ATP10B: variants seen among roughly 807,000 people sequenced by gnomAD.
ATP10B encodes ATPase phospholipid transporting 10B (putative), also known as phospholipid-transporting ATPase VB.
ATP10B carries 122 observed loss-of-function variants against 141.2 expected under a neutral mutation model. That is an observed-to-expected ratio of 0.86 (90% CI 0.75 to 1.00). The LOEUF (loss-of-function observed/expected upper bound fraction) is 1.00, where lower values mean the gene tolerates loss of function less well. ATP10B is among the 50% of genes least tolerant of loss of function. The pLI, the probability that ATP10B is intolerant of heterozygous loss-of-function variation, is 0.00. For missense variants in ATP10B, 1,876 were observed against 1,825.3 expected, an observed-to-expected ratio of 1.03 and a Z score of -0.51; for synonymous variants, 685 against 692.0, an observed-to-expected ratio of 0.99 and a Z score of 0.16.
intron 22 of ATP10B, among the ~76,000 whole-genome samples, chr5:160,591,490 CATT>C: frequency 6.6e-6 from 1 of 152,292 alleles, no homozygotes; most frequent in East Asian, 1.9e-4. Flanking sequence ...CTCAGTTATT[CATT>C]GTTATCAATC....
intron 7 of ATP10B, among the ~76,000 whole-genome samples, chr5:160,654,689 G>C (rs1191994113): frequency 2.0e-5 from 3 of 151,694 alleles, no homozygotes; most frequent in Non-Finnish European, 4.4e-5. Context: ...AGATTCCAAA[G>C]TCATTGTCGT....
intron 5 of ATP10B, 54 bp downstream of exon 5, chr5:160,687,746 C>G (rs1179829328): frequency 3.2e-6 from 5 of 1,557,890 alleles, no homozygotes; most frequent in Non-Finnish European, 4.4e-6. Context: ...GCCTGGGGAA[C>G]AGAATGAGAC....
In ATP10B at chr5:160,766,282, TTGCAAAAATAC is replaced by T. The variant is rs1561831860; in HGVS notation, c.-331+19266_-331+19276del. ...ATGTTTATAGCAGCACAATTTGCAA[TTGCAAAAATAC>T]GGAACCAGCCTAAATGTCCACCAAT... On this transcript the variant is annotated intron_variant, in intron 2 of 25. Transcript: ENST00000327245. 3.0e-4 allele frequency among the ~76,000 whole-genome samples: 5 copies of T among 16,940 alleles called. No homozygotes were observed. In the South Asian group the frequency reaches 3.9e-3, roughly 13 times the overall value. The allele number at this position is 16,940 out of a possible 152,430, so 11.1% of individuals were successfully genotyped here. A position where few individuals can be genotyped will look rare whatever the true frequency, so the allele number is the denominator to read the frequency against.
intron 1 of ATP10B, among the ~76,000 whole-genome samples, chr5:160,817,598 C>G (rs964689611): frequency 6.6e-5 from 10 of 152,118 alleles, no homozygotes; most frequent in African/African-American, 2.4e-4. Context: ...GATTTTATGC[C>G]ATCCCCATCA....
chr5:160,819,375 A>T, intron 1 of ATP10B, among the ~76,000 whole-genome samples: 1 of 152,172 alleles, frequency 6.6e-6, no homozygotes, highest in East Asian at 1.9e-4. Context: ...TCTCAGAGAA[A>T]CAAAAGCTGA....
intron 1 of ATP10B, among the ~76,000 whole-genome samples, chr5:160,821,822 A>T (rs1380407175): frequency 6.6e-6 from 1 of 152,126 alleles, no homozygotes; most frequent in Non-Finnish European, 1.5e-5. Flanking sequence ...AAAGAATGAA[A>T]CTAGACCCCC....
rs114638873 is a variant in ATP10B at position 160,823,510 on chromosome 5, C to G, written c.-576+28431G>C. On this transcript the variant is annotated intron_variant, in intron 1 of 25. Coordinates refer to ENST00000327245, the MANE Select transcript of ATP10B (RefSeq NM_025153.3). Reference sequence around the variant, plus strand: ...GGCACACATTTACCTATGTAACAAACTTGCACGTGCTTAAATTTTAAGTTA... The same window carrying G: ...GGCACACATTTACCTATGTAACAAAGTTGCACGTGCTTAAATTTTAAGTTA... Among the ~76,000 whole-genome samples, 929 of 152,288 alleles carry G rather than the reference C, an allele frequency of 6.1e-3. 2 individuals are homozygous for G. Among genetic ancestry groups the G allele is most frequent in the Non-Finnish European group, 0.011 (736 of 68,012 alleles).
intron 19 of ATP10B, 83 bp from the exon 20 acceptor site, chr5:160,604,124 C>T (rs1299647434): frequency 2.1e-6 from 2 of 967,410 alleles, no homozygotes; most frequent in East Asian, 2.4e-5. Flanking sequence ...TCCCCAGTTA[C>T]ATACAATTGA....
At chr5:160,766,052 A>T (rs992539317) in intron 2 of ATP10B, among the ~76,000 whole-genome samples, 8 of 152,280 alleles carry the variant, frequency 5.3e-5, no homozygotes, top group Admixed American at 1.3e-4. Context: ...AAATAAAAAA[A>T]ATAGATGTTG....
the ATP10B span, among the ~76,000 whole-genome samples, chr5:160,917,049 G>A: frequency 6.6e-6 from 1 of 152,104 alleles, no homozygotes; most frequent in Non-Finnish European, 1.5e-5. Flanking sequence ...GGGAATTAAA[G>A]TCTCAGCATT....
the ATP10B span, among the ~76,000 whole-genome samples, chr5:160,887,525 T>C: frequency 6.6e-6 from 1 of 152,028 alleles, no homozygotes; most frequent in Non-Finnish European, 1.5e-5. Context: ...TGACCAGAAC[T>C]CACAATTGGC....
Position 160,564,891 on chromosome 5 carries a change from G to A in ATP10B, c.*562C>T, listed in dbSNP as rs1308853341. The A allele has an allele frequency of 6.5e-6, 1 of 152,912 alleles. No homozygotes were observed. Among genetic ancestry groups the A allele is most frequent in the East Asian group, 1.9e-4 (1 of 5,214 alleles). The allele number at this position is 152,912 out of a possible 1,614,324, so 9.5% of individuals were successfully genotyped here. ...GGCTTTTAGTAGTAGCTTTTTAGAT[G>A]TGGCTTTTCTTTGGCTTACAGGCAA... On this transcript the variant is annotated 3_prime_UTR_variant, in exon 26 of 26. Coordinates refer to ENST00000327245, the MANE Select transcript of ATP10B (RefSeq NM_025153.3).
chr5:160,813,794 G>A (rs1773355629), intron 1 of ATP10B, among the ~76,000 whole-genome samples: 1 of 152,308 alleles, frequency 6.6e-6, no homozygotes, highest in Admixed American at 6.5e-5. Context: ...ACTTCTGGAG[G>A]AATGATCAGG....
At chr5:160,622,901 T>G (rs917324087) in intron 13 of ATP10B, among the ~76,000 whole-genome samples, 42 of 152,198 alleles carry the variant, frequency 2.8e-4, no homozygotes, top group African/African-American at 9.9e-4. Context: ...AAACTAATAC[T>G]GTTGCCTCTC....
intron 2 of ATP10B, among the ~76,000 whole-genome samples, chr5:160,717,239 T>A (rs1765716854): frequency 6.6e-6 from 1 of 152,028 alleles, no homozygotes; most frequent in African/African-American, 2.4e-5. Flanking sequence ...AGGAGAGGAA[T>A]TGGAGGAGAA....
At chr5:160,806,065 G>C (rs6886975) in intron 1 of ATP10B, among the ~76,000 whole-genome samples, 1 of 152,118 alleles carries the variant, frequency 6.6e-6, no homozygotes, top group Non-Finnish European at 1.5e-5. Flanking sequence ...CTCCACTTTT[G>C]TGTTCTCTTT....
chr5:160,607,111 T>C (rs764114604), intron 18 of ATP10B, 25 bp from the exon 19 acceptor site: 4 of 1,576,260 alleles, frequency 2.5e-6, no homozygotes, highest in Non-Finnish European at 3.5e-6. Flanking sequence ...AATAATACAG[T>C]ATTTGTAAGC....
At position 160,790,625 on chromosome 5, in the gene ATP10B, G is replaced by A. The variant is rs563048299; in HGVS notation, c.-575-4822C>T. On this transcript the variant is annotated intron_variant, in intron 1 of 25. Coordinates refer to ENST00000327245, the MANE Select transcript of ATP10B (RefSeq NM_025153.3). ...AAGTATCAAGGAGAAATTACCCTTTGTGTTATTGCACCTGTAAATGAGGAG... is the reference window on the plus strand; with the variant it reads ...AAGTATCAAGGAGAAATTACCCTTTATGTTATTGCACCTGTAAATGAGGAG... Among the ~76,000 whole-genome samples the A allele has an allele frequency of 1.6e-3, 245 of 152,242 alleles. 1 individual carries two copies. Among genetic ancestry groups the A allele is most frequent in the Admixed American group, 2.8e-3 (43 of 15,274 alleles).
chr5:160,685,528 G>A (rs868304527), intron 6 of ATP10B: 26 of 251,806 alleles, frequency 1.0e-4, no homozygotes, highest in Non-Finnish European at 1.3e-4. Flanking sequence ...AAACCTACCT[G>A]GTTCTAAAAG....
Sources: gnomAD v4.1 joint callset for allele counts (sites outside exome capture counted in the v4.1 genomes callset) on GRCh38, gnomAD v4.1.1 for gene constraint, MANE v1.5 for transcripts, NCBI Gene and HGNC (gene_info 2026-07-23, HGNC 2026-07-21) for gene names.